The following ACRV1 variants were observed in gnomAD, a reference collection of about 807,000 sequenced individuals.
The protein encoded by ACRV1 is acrosomal vesicle protein 1.
A neutral mutation model predicts 29.2 loss-of-function variants in ACRV1; 17 were observed. The ratio of observed to expected loss-of-function variants is 0.58; its 90% CI spans 0.40 to 0.87. The LOEUF is 0.87. Among genes scored for constraint, ACRV1 ranks in the 40% least tolerant of loss-of-function variants. ACRV1 has a pLI of 0.00. For missense variants in ACRV1, 294 were observed against 316.0 expected, an observed-to-expected ratio of 0.93 and a Z score of 0.53; for synonymous variants, 98 against 111.6, an observed-to-expected ratio of 0.88 and a Z score of 0.77.
chr11:125,674,553 A>G (rs1942391298), intron 3 of ACRV1, among the ~76,000 whole-genome samples: 1 of 152,202 alleles, frequency 6.6e-6, no homozygotes, highest in Non-Finnish European at 1.5e-5. Context: ...GAGAGATGTT[A>G]ATAAGTCTTT....
In ACRV1 at chr11:125,678,226, C is replaced by G. The variant is rs1264554901; in HGVS notation, c.124G>C (p.Glu42Gln). The G allele has an allele frequency of 6.2e-7, 1 of 1,614,188 alleles. No individual in the cohort carries two copies. Residue 42 changes from glutamate (E) to glutamine (Q), a missense_variant, in exon 2 of 4, where the codon GAG (glutamate) becomes CAG (glutamine). Coordinates refer to ENST00000533904, the MANE Select transcript of ACRV1 (RefSeq NM_001612.6). ...GAAGGGTTTTCAAGTGAAAAGAACT[C>G]ACCTGGAAGTTGCTGAACTGAAGTT... ...HQTSVQQLPG[E>Q]FFSLENPSDA...
At chr11:125,677,680 T>C (rs181834370) in intron 2 of ACRV1, 117 bp downstream of exon 2, 6 of 1,360,638 alleles carry the variant, frequency 4.4e-6, no homozygotes, top group Non-Finnish European at 6.1e-6. Context: ...AGAGAGCTGT[T>C]TGTGAAGTGT....
intron 1 of ACRV1, among the ~76,000 whole-genome samples, chr11:125,678,849 G>A (rs1165411428): frequency 1.3e-5 from 2 of 151,164 alleles, no homozygotes; most frequent in Non-Finnish European, 2.9e-5. Context: ...TATCAGAAGG[G>A]ATTAAGCCGC....
Position 125,678,289 on chromosome 11 carries a change from T to C in ACRV1, c.61A>G (p.Ser21Gly), listed in dbSNP as rs113984231. Residue 21 changes from serine to glycine, a missense_variant, in exon 2 of 4, where the codon AGT becomes GGT. Transcript: ENST00000533904. ...YLLGSARGTSSQPNELSGSID... is the reference protein window; with the variant it reads ...YLLGSARGTSGQPNELSGSID... ...GAGCCAGAAAGCTCATTAGGCTGACTTGATGTTCCTGGGATGGAGAAGGAA... is the reference window on the plus strand; with the variant it reads ...GAGCCAGAAAGCTCATTAGGCTGACCTGATGTTCCTGGGATGGAGAAGGAA... 1.2e-5 allele frequency: 20 copies of C among 1,613,614 alleles called. 1 individual carries two copies. In the African/African-American group the frequency reaches 1.5e-4, roughly 12 times the overall value.
chr11:125,673,266 G>A (rs1409591207), intron 3 of ACRV1, among the ~76,000 whole-genome samples: 3 of 149,662 alleles, frequency 2.0e-5, no homozygotes, highest in Non-Finnish European at 4.4e-5. Flanking sequence ...GTGCAGTGGT[G>A]CAACCTCAGC....
rs771165917 is a variant in ACRV1, at chr11:125,676,414, C to G, written c.618G>C (p.Glu206Asp). The part of the protein sequence containing the change: ...MNDQGKCLRG[E>D]GTCITQNSQQ... Reference sequence around the variant, plus strand: ...GGGAATTCTGAGTGATGCAGGTTCCCTCTCCACGAAGACATTTTCCTTGAT... The same window carrying G: ...GGGAATTCTGAGTGATGCAGGTTCCGTCTCCACGAAGACATTTTCCTTGAT... The change falls in exon 3 of 4, where the codon GAG becomes GAC. Residue 206 changes from glutamate to aspartate, a missense_variant. By Grantham distance (45) the Glu-to-Asp change is conservative. Transcript: ENST00000533904. 6.2e-7 allele frequency: 1 copy of G among 1,614,090 alleles called. No homozygotes were observed. The highest frequency in any genetic ancestry group is 8.5e-7 in the Non-Finnish European group (1 of 1,179,996).
chr11:125,677,681 T>C (rs992325812), intron 2 of ACRV1, 116 bp downstream of exon 2: 4 of 1,365,366 alleles, frequency 2.9e-6, no homozygotes, highest in Non-Finnish European at 4.0e-6. Context: ...GAGAGCTGTT[T>C]GTGAAGTGTT....
chr11:125,674,660 C>T (rs1385125279), intron 3 of ACRV1, among the ~76,000 whole-genome samples: 1 of 152,158 alleles, frequency 6.6e-6, no homozygotes, highest in Non-Finnish European at 1.5e-5. Flanking sequence ...GGTAATCTTC[C>T]TGAAGAAGCG....
chr11:125,680,581 GCT>G, intron 1 of ACRV1, 146 bp downstream of exon 1: 1 of 678,510 alleles, frequency 1.5e-6, no homozygotes, highest in Non-Finnish European at 2.6e-6. Context: ...TGGTTCAGGA[GCT>G]CTCCGAGTTG....
In ACRV1 at chr11:125,672,455, T is replaced by A; in HGVS notation, c.*138A>T. On this transcript the variant is annotated 3_prime_UTR_variant, in exon 4 of 4. Transcript: ENST00000533904. ...CATGAATAGAAGAAGAAAGATAGGA[T>A]GTTTGAGCATCCTAATGCTCAGGCA... 2.1e-6 allele frequency: 2 copies of A among 941,420 alleles called. No individual in the cohort carries two copies. Among genetic ancestry groups the A allele is most frequent in the South Asian group, 1.7e-5 (1 of 59,554 alleles). The allele number at this position is 941,420 out of a possible 1,614,324, so 58.3% of individuals were successfully genotyped here.
intron 3 of ACRV1, among the ~76,000 whole-genome samples, chr11:125,675,423 A>T (rs1299047923): frequency 6.6e-6 from 1 of 152,188 alleles, no homozygotes; most frequent in Non-Finnish European, 1.5e-5. Flanking sequence ...AGTTCATGGT[A>T]TGTGTCATTA....
At chr11:125,676,196 C>T in intron 3 of ACRV1, 163 bp downstream of exon 3, 1 of 924,470 alleles carries the variant, frequency 1.1e-6, no homozygotes, top group Admixed American at 2.7e-5. Flanking sequence ...GTGTGAGCCA[C>T]CTCGCCTGGC....
intron 1 of ACRV1, 46 bp downstream of exon 1, chr11:125,680,683 G>C (rs1242134609): frequency 3.2e-6 from 5 of 1,560,866 alleles, no homozygotes; most frequent in Non-Finnish European, 3.5e-6. Context: ...AATGTCTTAA[G>C]GGAGACCCCT....
At chr11:125,679,782 C>T (rs1257915520) in intron 1 of ACRV1, among the ~76,000 whole-genome samples, 1 of 152,138 alleles carries the variant, frequency 6.6e-6, no homozygotes, top group African/African-American at 2.4e-5. Context: ...TGGCACAGTG[C>T]AGTACTTACA....
chr11:125,680,602 T>C lies in ACRV1; in HGVS notation c.52+127A>G, dbSNP rs1334960868. 3 of 814,630 alleles carry C rather than the reference T, an allele frequency of 3.7e-6. No individual in the cohort carries two copies. In the Admixed American group the frequency reaches 6.9e-5, roughly 19 times the overall value. 50.5% of individuals were successfully genotyped at this position (814,630 alleles called of 1,614,324 possible). On this transcript the variant is annotated intron_variant, in intron 1 of 3. Coordinates refer to ENST00000533904, the MANE Select transcript of ACRV1 (RefSeq NM_001612.6). ...AGGAGCTCTCCGAGTTGGACTTGTTTAGCTGCTCTTGATTCTGACTCAGAT... is the reference window on the plus strand; with the variant it reads ...AGGAGCTCTCCGAGTTGGACTTGTTCAGCTGCTCTTGATTCTGACTCAGAT...
At chr11:125,673,308 G>C (rs1400028159) in intron 3 of ACRV1, among the ~76,000 whole-genome samples, 1 of 151,462 alleles carries the variant, frequency 6.6e-6, no homozygotes, top group Non-Finnish European at 1.5e-5. Context: ...AGGTTCAAGC[G>C]ATTGTCCTCC....
chr11:125,677,831 C>T lies in ACRV1; in HGVS notation c.519G>A (p.Gln173=), dbSNP rs1942587488. ...QPSGEHASGE[Q]ASGAPISSTS... is the part of the protein sequence containing the mutation. The stretch of plus-strand genomic sequence containing the variant: ...TGCTTGAAATTGGTGCACCTGAAGC[C>T]TGTTCCCCTGAAGCGTGCTCACCTG... The change falls in exon 2 of 4, where the codon CAG becomes CAA. Residue 173 remains glutamine, a synonymous_variant. Transcript: ENST00000533904. 1.2e-6 allele frequency: 2 copies of T among 1,614,072 alleles called. No homozygotes were observed. Among genetic ancestry groups the T allele is most frequent in the South Asian group, 2.2e-5 (2 of 91,088 alleles).
intron 3 of ACRV1, among the ~76,000 whole-genome samples, chr11:125,673,653 G>T (rs1942325704): frequency 6.6e-6 from 1 of 152,146 alleles, no homozygotes; most frequent in African/African-American, 2.4e-5. Flanking sequence ...TATGCTAAGG[G>T]CATCTAAAAC....
chr11:125,678,857 C>T (rs1447532621), intron 1 of ACRV1, among the ~76,000 whole-genome samples: 7 of 150,870 alleles, frequency 4.6e-5, no homozygotes, highest in East Asian at 2.0e-4. Context: ...GGGATTAAGC[C>T]GCCTGTATTT....
Sources: gnomAD v4.1 joint callset for allele counts (sites outside exome capture counted in the v4.1 genomes callset) on GRCh38, gnomAD v4.1.1 for gene constraint, MANE v1.5 for transcripts, NCBI Gene and HGNC (gene_info 2026-07-23, HGNC 2026-07-21) for gene names.